STK31: variants seen among roughly 807,000 people sequenced by gnomAD.
The protein encoded by STK31 is serine/threonine-protein kinase 31.
Under a neutral mutation model 129.7 loss-of-function variants are expected in STK31, and 89 were observed. That is an observed-to-expected ratio of 0.69 (90% CI 0.58 to 0.82). The LOEUF (loss-of-function observed/expected upper bound fraction) is 0.82, where lower values mean the gene tolerates loss of function less well. Among genes scored for constraint, STK31 ranks in the 40% least tolerant of loss-of-function variants. STK31 has a pLI of 0.00. For synonymous variants in STK31, 448 were observed against 395.3 expected (o/e 1.13, Z -1.58); for missense variants, 1,187 against 1,176.4 (o/e 1.01, Z -0.13).
At chr7:23,724,871 C>G (rs1786959187) in intron 4 of STK31, among the ~76,000 whole-genome samples, 1 of 152,062 alleles carries the variant, frequency 6.6e-6, no homozygotes, top group Admixed American at 6.5e-5. Flanking sequence ...TTTATGTGTT[C>G]TTTATTGTTT....
intron 12 of STK31, 132 bp from the exon 13 acceptor site, chr7:23,769,507 CT>C (rs1160159315): frequency 1.0e-4 from 62 of 616,194 alleles, no homozygotes; most frequent in Non-Finnish European, 6.5e-5. Flanking sequence ...AGGGTAGGCA[CT>C]TTTTTTTCCT....
intron 22 of STK31, among the ~76,000 whole-genome samples, chr7:23,802,828 A>G (rs372462768): frequency 2.0e-5 from 3 of 152,088 alleles, no homozygotes; most frequent in Admixed American, 6.5e-5. Context: ...TTCCATGTAT[A>G]TTTTACAAAC....
chr7:23,763,780 C>A (rs1414200381), intron 11 of STK31, among the ~76,000 whole-genome samples: 1 of 151,834 alleles, frequency 6.6e-6, no homozygotes, highest in African/African-American at 2.4e-5. Context: ...CTAATGTTTT[C>A]ATTTGAAATG....
intron 22 of STK31, chr7:23,811,185 A>G (rs144867874): frequency 5.6e-5 from 11 of 194,882 alleles, no homozygotes; most frequent in African/African-American, 2.6e-4. Context: ...AAAATCACAT[A>G]TAGGGTCACA....
chr7:23,712,032 A>G, intron 1 of STK31, 67 bp from the exon 2 acceptor site: 24 of 1,286,090 alleles, frequency 1.9e-5, no homozygotes, highest in Non-Finnish European at 2.5e-5. Context: ...ATTGAACATG[A>G]TGTAGTTTAG....
chr7:23,714,298 G>C (rs1049080496), intron 3 of STK31, among the ~76,000 whole-genome samples: 2 of 152,194 alleles, frequency 1.3e-5, no homozygotes, highest in African/African-American at 4.8e-5. Flanking sequence ...CATGCCCATT[G>C]TCTCTGTATT....
chr7:23,823,303 ATGG>A (rs1206757191), intron 23 of STK31, among the ~76,000 whole-genome samples: 1 of 152,080 alleles, frequency 6.6e-6, no homozygotes, highest in Non-Finnish European at 1.5e-5. Context: ...CTGGTGTGAG[ATGG>A]TATCTCATTG....
chr7:23,789,373 A>T (rs1017900634), intron 21 of STK31, among the ~76,000 whole-genome samples: 1 of 152,138 alleles, frequency 6.6e-6, no homozygotes, highest in Non-Finnish European at 1.5e-5. Context: ...AAGTGGCTAC[A>T]TCATTTTATA....
Position 23,712,152 on chromosome 7 carries a change from A to T in STK31, c.97+7A>T, listed in dbSNP as rs1263007603. 6.2e-7 allele frequency: 1 copy of T among 1,613,502 alleles called. No individual in the cohort carries two copies. Among genetic ancestry groups the T allele is most frequent in the East Asian group, 2.2e-5 (1 of 44,852 alleles). On this transcript the variant is annotated splice_region_variant and intron_variant, in intron 2 of 23. Transcript: ENST00000355870. ...GATACACATTACGATAAAGGTACTG[A>T]CACTAAAAATTATTTTGGGGTGTAA... is the stretch of plus-strand genomic sequence containing the variant.
intron 8 of STK31, among the ~76,000 whole-genome samples, chr7:23,739,169 A>G (rs879678447): frequency 3.3e-5 from 5 of 152,238 alleles, no homozygotes; most frequent in Admixed American, 6.5e-5. Flanking sequence ...GATCGCCATT[A>G]TAACTGGAGT....
Position 23,710,231 on chromosome 7 carries a change from C to G in STK31, c.-55C>G. 1 of 1,611,330 alleles carries G rather than the reference C, an allele frequency of 6.2e-7. No homozygotes were observed. The highest frequency in any genetic ancestry group is 8.5e-7 in the Non-Finnish European group (1 of 1,179,470). Reference sequence around the variant, plus strand: ...GTGTGGGGCCCTTGCGGTCGAAGCTCACGCGGTAAGCCGCTGCACGTGTGC... The same window carrying G: ...GTGTGGGGCCCTTGCGGTCGAAGCTGACGCGGTAAGCCGCTGCACGTGTGC... On this transcript the variant is annotated 5_prime_UTR_variant, in exon 1 of 24. Transcript: ENST00000355870.
At chr7:23,791,213 T>C (rs2128114418) in intron 22 of STK31, 1 of 948,758 alleles carries the variant, frequency 1.1e-6, no homozygotes, top group East Asian at 1.2e-4. Flanking sequence ...TACATTAATC[T>C]GAAAGCAGTT....
At chr7:23,753,088 T>C (rs1788818298) in intron 9 of STK31, among the ~76,000 whole-genome samples, 1 of 152,232 alleles carries the variant, frequency 6.6e-6, no homozygotes, top group Non-Finnish European at 1.5e-5. Flanking sequence ...AACATAGCTT[T>C]TAAGTGATAG....
intron 17 of STK31, among the ~76,000 whole-genome samples, chr7:23,784,026 T>C (rs1407838190): frequency 1.3e-5 from 2 of 152,146 alleles, no homozygotes; most frequent in Non-Finnish European, 1.5e-5. Flanking sequence ...TTGAGCACAA[T>C]GGGTTTTTTA....
intron 18 of STK31, among the ~76,000 whole-genome samples, chr7:23,786,283 T>G (rs1791279139): frequency 6.6e-6 from 1 of 152,118 alleles, no homozygotes; most frequent in Non-Finnish European, 1.5e-5. Flanking sequence ...TAATTTGGCC[T>G]TAGTTGCTAC....
intron 23 of STK31, among the ~76,000 whole-genome samples, chr7:23,824,078 C>T (rs962304246): frequency 1.4e-4 from 21 of 152,108 alleles, no homozygotes; most frequent in South Asian, 1.0e-3. Context: ...CTTGGCAATG[C>T]GGGCTCTTTG....
intron 6 of STK31, among the ~76,000 whole-genome samples, chr7:23,730,228 A>G (rs1787321770): frequency 6.6e-6 from 1 of 152,226 alleles, no homozygotes; most frequent in African/African-American, 2.4e-5. Context: ...TCTTATTTAT[A>G]ATAGCAGCTC....
chr7:23,828,552 G>A (rs10231325), intron 23 of STK31, among the ~76,000 whole-genome samples: 65,561 of 151,610 alleles, frequency 0.43, 14,478 homozygotes, highest in Admixed American at 0.51. Flanking sequence ...CGGGTGAGGC[G>A]ATGCCTCGCC....
intron 15 of STK31, among the ~76,000 whole-genome samples, chr7:23,779,571 G>GAGT (rs1790780391): frequency 6.6e-6 from 1 of 152,308 alleles, no homozygotes; most frequent in South Asian, 2.1e-4. Flanking sequence ...TCTGGCTACA[G>GAGT]AGGCTTTGCT....
Sources: allele counts gnomAD v4.1 joint callset (sites outside exome capture counted in the v4.1 genomes callset), GRCh38; gene constraint gnomAD v4.1.1; transcripts MANE v1.5; gene names NCBI Gene and HGNC (gene_info 2026-07-23, HGNC 2026-07-21).